Variants in TMEM132C observed in about 807,000 individuals in gnomAD.
TMEM132C encodes the protein transmembrane protein 132C.
Under a neutral mutation model 61.4 loss-of-function variants are expected in TMEM132C, and 29 were observed. The ratio of observed to expected loss-of-function variants is 0.47; its 90% CI spans 0.35 to 0.64. The LOEUF (loss-of-function observed/expected upper bound fraction) is 0.64, where lower values mean the gene tolerates loss of function less well. TMEM132C is among the 30% of genes least tolerant of loss of function. The pLI is 0.00. For synonymous variants in TMEM132C, 656 were observed against 633.1 expected, an observed-to-expected ratio of 1.04 and a Z score of -0.54; for missense variants, 1,408 against 1,476.9, an observed-to-expected ratio of 0.95 and a Z score of 0.76.
intron 8 of TMEM132C, among the ~76,000 whole-genome samples, chr12:128,702,152 G>A (rs887654963): frequency 3.3e-5 from 5 of 151,918 alleles, no homozygotes; most frequent in Admixed American, 1.3e-4. Context: ...CGCCCACCTC[G>A]GCCTCCCAAA....
chr12:128,349,604 C>G (rs922467237), intron 1 of TMEM132C, among the ~76,000 whole-genome samples: 1 of 152,128 alleles, frequency 6.6e-6, no homozygotes, highest in African/African-American at 2.4e-5. Context: ...CAAATTGCCC[C>G]CAAATTTATT....
intron 3 of TMEM132C, among the ~76,000 whole-genome samples, chr12:128,606,312 C>G (rs1039411514): frequency 7.2e-5 from 11 of 152,240 alleles, no homozygotes; most frequent in Admixed American, 2.0e-4. Context: ...GACCCCTCCC[C>G]CGTGTGGCCA....
chr12:128,450,996 C>A (rs1403695971), intron 2 of TMEM132C, among the ~76,000 whole-genome samples: 2 of 152,088 alleles, frequency 1.3e-5, no homozygotes, highest in African/African-American at 4.8e-5. Flanking sequence ...AAGCCGAAAG[C>A]ATGAATATTC....
At chr12:128,315,955 G>A (rs1278536861) in intron 1 of TMEM132C, among the ~76,000 whole-genome samples, 1 of 151,796 alleles carries the variant, frequency 6.6e-6, no homozygotes, top group Non-Finnish European at 1.5e-5. Context: ...TGGACCTGCC[G>A]ACACCGTGAT....
chr12:128,424,184 C>T (rs1869100864), intron 2 of TMEM132C, among the ~76,000 whole-genome samples: 2 of 152,108 alleles, frequency 1.3e-5, no homozygotes, highest in South Asian at 4.1e-4. Context: ...TGGAACATAC[C>T]TGTTCTAATA....
chr12:128,468,089 A>T (rs887678078), intron 2 of TMEM132C, among the ~76,000 whole-genome samples: 2 of 152,302 alleles, frequency 1.3e-5, no homozygotes, highest in Middle Eastern at 6.8e-3. Context: ...TGTCTGACTC[A>T]GTGCTGAAGC....
At position 128,621,737 on chromosome 12, in the gene TMEM132C, C is replaced by T. The variant is rs1398295114; in HGVS notation, c.1305+5402C>T. Among the ~76,000 whole-genome samples, 4 of 152,340 alleles carry T rather than the reference C, an allele frequency of 2.6e-5. No individual in the cohort carries two copies. In the East Asian group the frequency reaches 5.8e-4, roughly 22 times the overall value. On this transcript the variant is annotated intron_variant, in intron 4 of 8. Coordinates refer to ENST00000435159, the MANE Select transcript of TMEM132C (RefSeq NM_001136103.3). Reference sequence around the variant, plus strand: ...GTCCTCCACGCCCACACACCTGTCCCACTGGGAAGTCTGTTTTCTGTGGTT... The same window carrying T: ...GTCCTCCACGCCCACACACCTGTCCTACTGGGAAGTCTGTTTTCTGTGGTT...
intron 4 of TMEM132C, among the ~76,000 whole-genome samples, chr12:128,619,860 T>G (rs985975834): frequency 3.9e-5 from 6 of 152,204 alleles, no homozygotes; most frequent in African/African-American, 1.4e-4. Flanking sequence ...TGAGGCCACA[T>G]GAGCAGAGAC....
At chr12:128,547,383 A>T (rs763933681) in intron 3 of TMEM132C, among the ~76,000 whole-genome samples, 1 of 137,578 alleles carries the variant, frequency 7.3e-6, no homozygotes, top group Admixed American at 8.0e-5. Flanking sequence ...GTGAAACCCC[A>T]TCTCTACTAA....
intron 1 of TMEM132C, among the ~76,000 whole-genome samples, chr12:128,341,555 CA>C (rs2135954852): frequency 6.6e-6 from 1 of 152,280 alleles, no homozygotes; most frequent in African/African-American, 2.4e-5. Flanking sequence ...ATATATTACG[CA>C]AGCTCTCCTG....
At chr12:128,416,778 G>GT (rs2136023415) in intron 2 of TMEM132C, among the ~76,000 whole-genome samples, 1 of 152,240 alleles carries the variant, frequency 6.6e-6, no homozygotes, top group African/African-American at 2.4e-5. Context: ...GATCTCTATA[G>GT]TTTTTCCTTT....
Position 128,267,393 on chromosome 12 carries a change from G to T in TMEM132C, c.-10G>T. 2.6e-6 allele frequency: 3 copies of T among 1,160,238 alleles called. No homozygotes were observed. Among genetic ancestry groups the T allele is most frequent in the South Asian group, 8.3e-5 (2 of 24,024 alleles). 71.9% of individuals were successfully genotyped at this position (1,160,238 alleles called of 1,614,324 possible). ...CTGGCGGCGGGCTGCGTGAGCGGCC[G>T]GGACGCAGGATGCGCTCCGAGGGTG... is the stretch of plus-strand genomic sequence containing the variant. On this transcript the variant is annotated 5_prime_UTR_variant, in exon 1 of 9. Transcript: ENST00000435159.
At chr12:128,381,879 T>C (rs1009029056) in intron 1 of TMEM132C, among the ~76,000 whole-genome samples, 1 of 152,076 alleles carries the variant, frequency 6.6e-6, no homozygotes, top group African/African-American at 2.4e-5. Flanking sequence ...TAGCAACCTC[T>C]TAAGAGGAAA....
At position 128,639,700 on chromosome 12, in the gene TMEM132C, G is replaced by A. The variant is rs185482481; in HGVS notation, c.1305+23365G>A. ...GGAATAGACTGCGGTCTTCCAGTAGGCTGACCAACCATCCCTGTTCACCTG... is the reference window on the plus strand; with the variant it reads ...GGAATAGACTGCGGTCTTCCAGTAGACTGACCAACCATCCCTGTTCACCTG... On this transcript the variant is annotated intron_variant, in intron 4 of 8. Coordinates refer to ENST00000435159, the MANE Select transcript of TMEM132C (RefSeq NM_001136103.3). Among the ~76,000 whole-genome samples, 23 of 152,258 alleles carry A rather than the reference G, an allele frequency of 1.5e-4. No homozygotes were observed. In the East Asian group the frequency reaches 4.1e-3, roughly 27 times the overall value.
intron 2 of TMEM132C, among the ~76,000 whole-genome samples, chr12:128,475,232 A>G (rs114544282): frequency 0.012 from 1,824 of 152,322 alleles, 22 homozygotes; most frequent in Middle Eastern, 0.034. Flanking sequence ...TTAGGCATTT[A>G]GGACCTGCGA....
At chr12:128,637,248 A>G (rs1242505475) in intron 4 of TMEM132C, among the ~76,000 whole-genome samples, 1 of 152,214 alleles carries the variant, frequency 6.6e-6, no homozygotes, top group Admixed American at 6.5e-5. Flanking sequence ...TCCCCACAGG[A>G]ACAGTACCTA....
rs138405879 is a variant in TMEM132C, at chr12:128,292,272, G to A, written c.85+24785G>A. Among the ~76,000 whole-genome samples, 29 of 152,260 alleles carry A rather than the reference G, an allele frequency of 1.9e-4. No homozygotes were observed. The East Asian group carries it at 5.6e-3, about 29-fold the overall frequency. On this transcript the variant is annotated intron_variant, in intron 1 of 8. Coordinates refer to ENST00000435159, the MANE Select transcript of TMEM132C (RefSeq NM_001136103.3). ...GAATCGTGGTCAAACAGAATGAAAG[G>A]CAAAACTTAGAGGAAAGCCTTGGAA...
At position 128,278,882 on chromosome 12, in the gene TMEM132C, T is replaced by C. The variant is rs1355435020; in HGVS notation, c.85+11395T>C. ...CCAATGAGTTGAAGGCCTGCAGAGA[T>C]CAAAAGGCTGACCACCCCTAGAAGA... On this transcript the variant is annotated intron_variant, in intron 1 of 8. Coordinates refer to ENST00000435159, the MANE Select transcript of TMEM132C (RefSeq NM_001136103.3). This position sits in a 1 kb window ranked among gnomAD's most constrained non-coding sequence, Gnocchi z 4.2. Among the ~76,000 whole-genome samples, 1 of 151,724 alleles carries C rather than the reference T, an allele frequency of 6.6e-6. No individual in the cohort carries two copies. Among genetic ancestry groups the C allele is most frequent in the Non-Finnish European group, 1.5e-5 (1 of 67,984 alleles).
At chr12:128,574,114 A>C (rs565316791) in intron 3 of TMEM132C, among the ~76,000 whole-genome samples, 8 of 152,260 alleles carry the variant, frequency 5.3e-5, no homozygotes, top group Admixed American at 5.2e-4. Context: ...CATGCTCTCC[A>C]CAGCTGGGCC....
Sources: gnomAD v4.1 joint callset for allele counts (sites outside exome capture counted in the v4.1 genomes callset) on GRCh38, gnomAD v4.1.1 for gene constraint, Gnocchi (gnomAD v3.1) non-coding constraint, MANE v1.5 for transcripts, NCBI Gene and HGNC (gene_info 2026-07-23, HGNC 2026-07-21) for gene names.